HERC4: variants seen among roughly 807,000 people sequenced by gnomAD.
The protein encoded by HERC4 is probable E3 ubiquitin-protein ligase HERC4.
HERC4 carries 28 observed loss-of-function variants against 124.3 expected under a neutral mutation model. The observed-to-expected ratio is 0.23, with a 90% CI of 0.17 to 0.31. The LOEUF is 0.31. HERC4 is among the 10% of genes least tolerant of loss of function. HERC4 has a pLI of 1.00. For synonymous variants in HERC4, 407 were observed against 421.5 expected, an observed-to-expected ratio of 0.97 and a Z score of 0.42; for missense variants, 713 against 1,229.3, an observed-to-expected ratio of 0.58 and a Z score of 6.28.
chr10:67,954,930 G>T (rs2034043964), intron 18 of HERC4, 33 bp downstream of exon 18: 1 of 1,550,492 alleles, frequency 6.4e-7, no homozygotes, highest in African/African-American at 1.4e-5. Context: ...CTGAATAAAA[G>T]TCCCAATTAT....
At position 68,073,189 on chromosome 10, in the gene HERC4, G is replaced by A; in HGVS notation, c.-78-3C>T. ...GGAAAGTTGGAGGTACCCTATGTCTGAGGAAATAGAAAGAAGTTAATATGA... is the reference window on the plus strand; with the variant it reads ...GGAAAGTTGGAGGTACCCTATGTCTAAGGAAATAGAAAGAAGTTAATATGA... On this transcript the variant is annotated splice_polypyrimidine_tract_variant and splice_region_variant and intron_variant, in intron 2 of 24. Transcript: ENST00000373700. 2 of 1,034,654 alleles carry A rather than the reference G, an allele frequency of 1.9e-6. No homozygotes were observed. Among genetic ancestry groups the A allele is most frequent in the Non-Finnish European group, 2.9e-6 (2 of 697,456 alleles). The allele number at this position is 1,034,654 out of a possible 1,614,324, so 64.1% of individuals were successfully genotyped here.
rs538625243 is a variant in HERC4, at chr10:68,057,580, C to T, written c.227-13017G>A. Among the ~76,000 whole-genome samples, 14 of 150,450 alleles carry T rather than the reference C, an allele frequency of 9.3e-5. No individual in the cohort carries two copies. In the South Asian group the frequency reaches 2.1e-3, roughly 23 times the overall value. Reference sequence around the variant, plus strand: ...CAGAGGTCAAAGTGAGCCGAGATCACGCCACTGCACTCCAGCCTGGGTGAC... The same window carrying T: ...CAGAGGTCAAAGTGAGCCGAGATCATGCCACTGCACTCCAGCCTGGGTGAC... On this transcript the variant is annotated intron_variant, in intron 3 of 24. Transcript: ENST00000373700.
chr10:68,019,474 C>T (rs896545079), intron 8 of HERC4, among the ~76,000 whole-genome samples: 2 of 151,958 alleles, frequency 1.3e-5, no homozygotes, highest in Non-Finnish European at 2.9e-5. Context: ...AACAGTGACA[C>T]CATACAGTAG....
intron 9 of HERC4, among the ~76,000 whole-genome samples, chr10:68,009,173 G>A (rs955597536): frequency 3.3e-5 from 5 of 151,786 alleles, no homozygotes; most frequent in Non-Finnish European, 7.4e-5. Flanking sequence ...GCAGTAAACC[G>A]AGATTGCACC....
chr10:67,998,004 T>C (rs973338454), intron 9 of HERC4, among the ~76,000 whole-genome samples: 21 of 152,150 alleles, frequency 1.4e-4, no homozygotes, highest in African/African-American at 4.6e-4. Flanking sequence ...GTTCAAGCGA[T>C]TCTCCTGCCT....
chr10:67,982,259 A>T (rs181835398), intron 15 of HERC4, among the ~76,000 whole-genome samples: 2 of 152,326 alleles, frequency 1.3e-5, no homozygotes, highest in African/African-American at 4.8e-5. Flanking sequence ...ACTGGCATGA[A>T]AACAGACACA....
At chr10:68,064,429 C>T (rs1396806557) in intron 3 of HERC4, among the ~76,000 whole-genome samples, 2 of 151,194 alleles carry the variant, frequency 1.3e-5, no homozygotes, top group Non-Finnish European at 2.9e-5. Flanking sequence ...TGGTGCATGC[C>T]TGCAATCTCA....
chr10:67,983,753 C>G (rs1336315611), intron 15 of HERC4, among the ~76,000 whole-genome samples: 1 of 147,556 alleles, frequency 6.8e-6, no homozygotes, highest in Non-Finnish European at 1.5e-5. Flanking sequence ...CACCACTGCA[C>G]TCCAGCCTGG....
intron 3 of HERC4, among the ~76,000 whole-genome samples, chr10:68,071,327 G>C (rs947177042): frequency 1.7e-4 from 26 of 152,272 alleles, no homozygotes; most frequent in Admixed American, 1.6e-3. Context: ...TATACTACTA[G>C]TACACAGTGT....
intron 3 of HERC4, among the ~76,000 whole-genome samples, chr10:68,047,133 T>A: frequency 7.1e-6 from 1 of 140,534 alleles, no homozygotes; most frequent in Non-Finnish European, 1.6e-5. Flanking sequence ...ATGAAAAAAA[T>A]CAGACAAAAA....
chr10:68,054,059 T>A (rs1297396574), intron 3 of HERC4, among the ~76,000 whole-genome samples: 1 of 152,224 alleles, frequency 6.6e-6, no homozygotes, highest in Admixed American at 6.5e-5. Flanking sequence ...GCCTCATTAG[T>A]TGTTAAAAAT....
At chr10:67,941,212 T>A in intron 19 of HERC4, 107 bp from the exon 20 acceptor site, 1 of 739,882 alleles carries the variant, frequency 1.4e-6, no homozygotes, top group Non-Finnish European at 2.0e-6. Flanking sequence ...GAGAAAAAAG[T>A]AATAAATAAC....
chr10:67,991,717 CT>C (rs749030564), intron 11 of HERC4, among the ~76,000 whole-genome samples: 37 of 152,192 alleles, frequency 2.4e-4, no homozygotes, highest in Middle Eastern at 3.4e-3. Context: ...AGAAATAATA[CT>C]CAAGTCTTCC....
chr10:67,958,826 T>C (rs2034310089), intron 16 of HERC4, among the ~76,000 whole-genome samples: 1 of 152,186 alleles, frequency 6.6e-6, no homozygotes, highest in African/African-American at 2.4e-5. Context: ...GAGGACACAT[T>C]ACATTTTATA....
At chr10:67,944,995 C>T (rs2033213960) in intron 19 of HERC4, among the ~76,000 whole-genome samples, 1 of 152,042 alleles carries the variant, frequency 6.6e-6, no homozygotes. Context: ...AGTTATTGGC[C>T]TTAAAGAGGG....
chr10:67,943,190 A>G (rs966152740), intron 19 of HERC4, among the ~76,000 whole-genome samples: 8 of 152,342 alleles, frequency 5.3e-5, no homozygotes, highest in African/African-American at 1.9e-4. Flanking sequence ...TGGTCAAATT[A>G]ATCTTTCTGT....
chr10:67,927,403 TATATATATATATA>T (rs2031152476), intron 23 of HERC4, among the ~76,000 whole-genome samples: 1 of 20,694 alleles, frequency 4.8e-5, no homozygotes, highest in African/African-American at 8.1e-5. Context: ...TATATATATA[TATATATATATATA>T]TATATATATA....
rs1278201152 is a variant in HERC4 at position 68,010,268 on chromosome 10, ACAGTG to A, written c.1069+3753_1069+3757del. The A allele has an allele frequency of 5.0e-6, 5 of 995,270 alleles. No individual in the cohort carries two copies. In the Admixed American group the frequency reaches 6.1e-5, roughly 12 times the overall value. The allele number at this position is 995,270 out of a possible 1,614,324, so 61.7% of individuals were successfully genotyped here. On this transcript the variant is annotated intron_variant, in intron 9 of 24. Coordinates refer to ENST00000373700, the MANE Select transcript of HERC4 (RefSeq NM_015601.4). ...AACAGGGGGAAAGGCACTAAGGAAC[ACAGTG>A]CAGTGCAGTGCAATGAGGGCTCCCA...
Position 68,020,948 on chromosome 10 carries a change from G to C in HERC4, c.908+4598C>G, listed in dbSNP as rs187481491. On this transcript the variant is annotated intron_variant, in intron 8 of 24. Transcript: ENST00000373700. ...TCTTAAAAAAAGTGCAGAGAGCCTAGGGGAACCATAGGATACCATTAAGCA... is the reference window on the plus strand; with the variant it reads ...TCTTAAAAAAAGTGCAGAGAGCCTACGGGAACCATAGGATACCATTAAGCA... 3.3e-5 allele frequency among the ~76,000 whole-genome samples: 5 copies of C among 152,186 alleles called. No homozygotes were observed. The East Asian group carries it at 9.7e-4, about 29-fold the overall frequency.
Sources: allele counts gnomAD v4.1 joint callset (sites outside exome capture counted in the v4.1 genomes callset), GRCh38; gene constraint gnomAD v4.1.1; transcripts MANE v1.5; gene names NCBI Gene and HGNC (gene_info 2026-07-23, HGNC 2026-07-21).